The following BCAM variants were observed in gnomAD, a reference collection of about 807,000 sequenced individuals.
BCAM encodes the protein basal cell adhesion molecule (Lutheran blood group), also known as basal cell adhesion molecule.
In BCAM, 61 loss-of-function variants were observed where a neutral mutation model predicts 72.4. The ratio of observed to expected loss-of-function variants is 0.84; its 90% CI spans 0.69 to 1.04. BCAM has a LOEUF of 1.04. BCAM is among the 50% of genes least tolerant of loss of function. BCAM has a pLI of 0.00. For missense variants in BCAM, 909 were observed against 895.0 expected, an observed-to-expected ratio of 1.02 and a Z score of -0.20; for synonymous variants, 408 against 384.2, an observed-to-expected ratio of 1.06 and a Z score of -0.73.
Position 44,821,093 on chromosome 19 carries a change from T to A in BCAM, c.*172T>A. 2.2e-6 allele frequency: 1 copy of A among 455,746 alleles called. No homozygotes were observed. Among genetic ancestry groups the A allele is most frequent in the Non-Finnish European group, 3.1e-6 (1 of 319,910 alleles). 28.2% of individuals were successfully genotyped at this position (455,746 alleles called of 1,614,324 possible). On this transcript the variant is annotated 3_prime_UTR_variant, in exon 15 of 15. Transcript: ENST00000270233. The stretch of plus-strand genomic sequence containing the variant: ...CAGGGACCCACAGTGGCTGCCTGCC[T>A]CCGGGAGGGAAGGAGAGGGAGGGTG...
intron 1 of BCAM, among the ~76,000 whole-genome samples, chr19:44,810,279 C>T (rs567124220): frequency 2.2e-4 from 33 of 152,250 alleles, no homozygotes; most frequent in Non-Finnish European, 3.8e-4. Flanking sequence ...AGATCCTGGG[C>T]CTCAACCTTA....
At position 44,816,641 on chromosome 19, in the gene BCAM, C is replaced by T. The variant is rs139785547; in HGVS notation, c.1078+1881C>T. Among the ~76,000 whole-genome samples the T allele has an allele frequency of 1.3e-3, 191 of 152,196 alleles. 4 individuals carry two copies. The East Asian group carries it at 0.036, about 28-fold the overall frequency. ...TGAGAAGAGACATTTAAGTGAGACT[C>T]AGAAAAGCAGACAGCAGCCAGGCAC... On this transcript the variant is annotated intron_variant, in intron 8 of 14. Transcript: ENST00000270233.
Position 44,814,820 on chromosome 19 carries a change from CT to C in BCAM, c.1078+61del. ...GCCCTGGCATCAGTGCCTCTGCGCC[CT>C]CCTCCCTACAGCCCTGAAGTTGCTC... On this transcript the variant is annotated intron_variant, in intron 8 of 14. Transcript: ENST00000270233. The surrounding 1 kb of genome is among the most constrained non-coding windows in gnomAD (Gnocchi z 4.6). 6.5e-7 allele frequency: 1 copy of C among 1,535,360 alleles called. No homozygotes were observed. The highest frequency in any genetic ancestry group is 8.8e-7 in the Non-Finnish European group (1 of 1,140,456).
In BCAM at chr19:44,812,219, G is replaced by A. The variant is rs150624451; in HGVS notation, c.261G>A (p.Glu87=). 7 of 1,607,328 alleles carry A rather than the reference G, an allele frequency of 4.4e-6. No homozygotes were observed. In the African/African-American group the frequency reaches 9.4e-5, roughly 22 times the overall value. Residue 87 remains glutamate (E), a synonymous_variant, in exon 3 of 15, where the codon GAG becomes GAA. Coordinates refer to ENST00000270233, the MANE Select transcript of BCAM (RefSeq NM_005581.5). The surrounding 1 kb of genome is among the most constrained non-coding windows in gnomAD (Gnocchi z 5.3). ...CCTCGGCTGAGATGCAGGGCTCTGA[G>A]CTCCAGGTCACAATGCACGACACCC... ...RLASAEMQGS[E]LQVTMHDTRG...
intron 1 of BCAM, 112 bp from the exon 2 acceptor site, chr19:44,811,113 T>C: frequency 6.6e-7 from 1 of 1,525,572 alleles, no homozygotes; most frequent in Non-Finnish European, 8.9e-7. Flanking sequence ...CTCCTGGGTC[T>C]GAGGGAGGAG....
In BCAM at chr19:44,811,271, G is replaced by C; in HGVS notation, c.129G>C (p.Val43=). 6.2e-7 allele frequency: 1 copy of C among 1,613,182 alleles called. No individual in the cohort carries two copies. The highest frequency in any genetic ancestry group is 8.5e-7 in the Non-Finnish European group (1 of 1,179,928). ...VRLSVPPLVE[V]MRGKSVILDC... ...TGTCTGTACCCCCGCTGGTGGAGGT[G>C]ATGCGAGGAAAGTCTGTCATTCTGG... The change falls in exon 2 of 15, where the codon GTG becomes GTC. Residue 43 remains valine (V), a synonymous_variant. Coordinates refer to ENST00000270233, the MANE Select transcript of BCAM (RefSeq NM_005581.5).
chr19:44,811,510 C>T (rs7249750), intron 2 of BCAM, 164 bp downstream of exon 2: 82,906 of 1,179,176 alleles, frequency 0.07, 3,702 homozygotes, highest in South Asian at 0.18. Flanking sequence ...CAAGGTGCCC[C>T]GTGTCTAGGC....
At chr19:44,817,753 A>G (rs534966279) in intron 8 of BCAM, among the ~76,000 whole-genome samples, 72 of 152,264 alleles carry the variant, frequency 4.7e-4, no homozygotes, top group African/African-American at 1.7e-3. Context: ...CCATGTGACC[A>G]GGGTGGTCTC....
At position 44,813,859 on chromosome 19, in the gene BCAM, T is replaced by C. The variant is rs1489900009; in HGVS notation, c.784+239T>C. 6.6e-6 allele frequency among the ~76,000 whole-genome samples: 1 copy of C among 152,176 alleles called. No homozygotes were observed. The highest frequency in any genetic ancestry group is 1.5e-5 in the Non-Finnish European group (1 of 68,026). Reference sequence around the variant, plus strand: ...GGACCCCATGAAGTTTATGACTAAATGGTGCTTTCCACCTTCTCACACTGA... The same window carrying C: ...GGACCCCATGAAGTTTATGACTAAACGGTGCTTTCCACCTTCTCACACTGA... On this transcript the variant is annotated intron_variant, in intron 6 of 14. Coordinates refer to ENST00000270233, the MANE Select transcript of BCAM (RefSeq NM_005581.5). This position sits in a 1 kb window ranked among gnomAD's most constrained non-coding sequence, Gnocchi z 4.2.
Position 44,818,986 on chromosome 19 carries a change from T to A in BCAM, c.1337-70T>A. 1 of 1,601,326 alleles carries A rather than the reference T, an allele frequency of 6.2e-7. No individual in the cohort carries two copies. On this transcript the variant is annotated intron_variant, in intron 10 of 14. Transcript: ENST00000270233. The surrounding 1 kb of genome is among the most constrained non-coding windows in gnomAD (Gnocchi z 4.6). ...GAGTCCCTGGCTGGGGACTCCATCT[T>A]CTGCTCGATGCCTCTCTTCTCTCTC... is the stretch of plus-strand genomic sequence containing the variant.
chr19:44,819,984 C>A (rs894485230), intron 13 of BCAM: 26 of 1,323,186 alleles, frequency 2.0e-5, no homozygotes, highest in Non-Finnish European at 2.5e-5. Context: ...AACCCATCCC[C>A]AAGCCAAACT....
At position 44,814,018 on chromosome 19, in the gene BCAM, A is replaced by C; in HGVS notation, c.785-134A>C. ...GGCACTCAGAATAATTGTGAACCTG[A>C]GGCTTGAAACCTATGACCCGTAACC... On this transcript the variant is annotated intron_variant, in intron 6 of 14. Coordinates refer to ENST00000270233, the MANE Select transcript of BCAM (RefSeq NM_005581.5). The surrounding 1 kb of genome is among the most constrained non-coding windows in gnomAD (Gnocchi z 4.6). 1 of 1,161,656 alleles carries C rather than the reference A, an allele frequency of 8.6e-7. No individual in the cohort carries two copies. Among genetic ancestry groups the C allele is most frequent in the South Asian group, 1.6e-5 (1 of 61,590 alleles). 72.0% of individuals were successfully genotyped at this position (1,161,656 alleles called of 1,614,324 possible). A position where few individuals can be genotyped will look rare whatever the true frequency, so the allele number is the denominator to read the frequency against.
rs28399623 is a variant in BCAM, at chr19:44,818,069, G to T, written c.1079-453G>T. Among the ~76,000 whole-genome samples, 1,189 of 152,292 alleles carry T rather than the reference G, an allele frequency of 7.8e-3. 14 individuals carry two copies. The highest frequency in any genetic ancestry group is 0.027 in the African/African-American group (1,120 of 41,558). On this transcript the variant is annotated intron_variant, in intron 8 of 14. Transcript: ENST00000270233. This position sits in a 1 kb window ranked among gnomAD's most constrained non-coding sequence, Gnocchi z 4.6. ...CACTTTTGGGAGGTCAAGACAGGAG[G>T]ATCACTTGAGGCCAGGAGTTTGAGA... is the stretch of plus-strand genomic sequence containing the variant.
At position 44,813,331 on chromosome 19, in the gene BCAM, G is replaced by A. The variant is rs28399654; in HGVS notation, c.586G>A (p.Val196Ile). 43,089 of 1,613,932 alleles carry A rather than the reference G, an allele frequency of 0.027. 696 individuals are homozygous for A. Among genetic ancestry groups the A allele is most frequent in the Non-Finnish European group, 0.033 (38,378 of 1,179,952 alleles). Residue 196 changes from valine to isoleucine, a missense_variant, in exon 5 of 15, where the codon GTA (valine) becomes ATA (isoleucine). Val to Ile is a conservative substitution (Grantham distance 29). Coordinates refer to ENST00000270233, the MANE Select transcript of BCAM (RefSeq NM_005581.5). This position sits in a 1 kb window ranked among gnomAD's most constrained non-coding sequence, Gnocchi z 4.2. ...YRNGQRLEVPVEMNPEGYMTS... is the reference protein window; with the variant it reads ...YRNGQRLEVPIEMNPEGYMTS... Reference sequence around the variant, plus strand: ...CAACGGGCAGCGCCTGGAGGTGCCCGTAGAGATGAACCCAGGTGAGCAGCG... The same window carrying A: ...CAACGGGCAGCGCCTGGAGGTGCCCATAGAGATGAACCCAGGTGAGCAGCG...
intron 1 of BCAM, among the ~76,000 whole-genome samples, chr19:44,810,950 G>C (rs1475014807): frequency 6.6e-6 from 1 of 150,482 alleles, no homozygotes. Flanking sequence ...GAGGGGCTGG[G>C]GCCTGGACTC....
At position 44,818,950 on chromosome 19, in the gene BCAM, G is replaced by A; in HGVS notation, c.1336+68G>A. On this transcript the variant is annotated intron_variant, in intron 10 of 14. Transcript: ENST00000270233. This position sits in a 1 kb window ranked among gnomAD's most constrained non-coding sequence, Gnocchi z 4.6. ...TGGGGTGTGGGACCTGGACAAACAG[G>A]ACGAGTTCCTGAGTCCCTGGCTGGG... is the stretch of plus-strand genomic sequence containing the variant. 6 of 1,598,282 alleles carry A rather than the reference G, an allele frequency of 3.8e-6. No homozygotes were observed. The highest frequency in any genetic ancestry group is 2.2e-5 in the East Asian group (1 of 44,626).
intron 1 of BCAM, among the ~76,000 whole-genome samples, chr19:44,810,355 C>T (rs912311761): frequency 2.0e-5 from 3 of 151,984 alleles, no homozygotes; most frequent in Non-Finnish European, 2.9e-5. Flanking sequence ...GGCCAAGAGG[C>T]GGCTGGGGGC....
rs1352415610 is a variant in BCAM at position 44,809,212 on chromosome 19, G to A, written c.82+6G>A. ...CCTGCTGGCGGCGCACCCAGGTATGGCTCGGGCTGAGGGCAAGGTGGGACT... is the reference window on the plus strand; with the variant it reads ...CCTGCTGGCGGCGCACCCAGGTATGACTCGGGCTGAGGGCAAGGTGGGACT... On this transcript the variant is annotated splice_donor_region_variant and intron_variant, in intron 1 of 14. Transcript: ENST00000270233. The A allele has an allele frequency of 1.4e-6, 2 of 1,458,480 alleles. No homozygotes were observed. Among genetic ancestry groups the A allele is most frequent in the Admixed American group, 2.5e-5 (1 of 39,912 alleles). 90.3% of individuals were successfully genotyped at this position (1,458,480 alleles called of 1,614,324 possible).
At position 44,812,312 on chromosome 19, in the gene BCAM, C is replaced by T. The variant is rs191701253; in HGVS notation, c.354C>T (p.Gly118=). The T allele has an allele frequency of 1.0e-4, 167 of 1,612,330 alleles. No individual in the cohort carries two copies. The highest frequency in any genetic ancestry group is 1.3e-4 in the Non-Finnish European group (156 of 1,178,860). ...GRLVLAEAQV[G]DERDYVCVVR... ...TGGTGCTGGCTGAGGCCCAGGTGGG[C>T]GACGAGCGAGACTACGTGTGCGTGG... The change falls in exon 3 of 15, where the codon GGC becomes GGT. Residue 118 remains glycine, a synonymous_variant. Coordinates refer to ENST00000270233, the MANE Select transcript of BCAM (RefSeq NM_005581.5). This position sits in a 1 kb window ranked among gnomAD's most constrained non-coding sequence, Gnocchi z 5.3.
Sources: allele counts gnomAD v4.1 joint callset (sites outside exome capture counted in the v4.1 genomes callset), GRCh38; gene constraint gnomAD v4.1.1; non-coding constraint Gnocchi (gnomAD v3.1); transcripts MANE v1.5; gene names NCBI Gene and HGNC (gene_info 2026-07-23, HGNC 2026-07-21).